NAA11: variants seen among roughly 807,000 people sequenced by gnomAD.
The protein encoded by NAA11 is N-alpha-acetyltransferase 11.
A neutral mutation model predicts 16.1 loss-of-function variants in NAA11; 15 were observed. The ratio of observed to expected loss-of-function variants is 0.93; its 90% CI spans 0.62 to 1.44. NAA11 has a LOEUF of 1.44. Ranked by LOEUF, NAA11 falls within the 40% of genes most tolerant of loss-of-function variation. NAA11 has a pLI of 0.00. For missense variants in NAA11, 298 were observed against 291.3 expected (o/e 1.02, Z -0.17); for synonymous variants, 122 against 112.4 (o/e 1.09, Z -0.54).
At chr4:79,204,407 T>A in the NAA11 span, among the ~76,000 whole-genome samples, 1 of 151,990 alleles carries the variant, frequency 6.6e-6, no homozygotes, top group East Asian at 1.9e-4. Context: ...ACACAGTATA[T>A]GAAGTATTAT....
At chr4:79,206,795 T>A in the NAA11 span, among the ~76,000 whole-genome samples, 1 of 152,164 alleles carries the variant, frequency 6.6e-6, no homozygotes, top group African/African-American at 2.4e-5. Flanking sequence ...TTTCTTTTTT[T>A]AGTGTACTCT....
intron 2 of NAA11, among the ~76,000 whole-genome samples, chr4:79,264,390 T>G (rs1028489809): frequency 6.6e-6 from 1 of 152,186 alleles, no homozygotes; most frequent in Non-Finnish European, 1.5e-5. Flanking sequence ...GCTGTAAATC[T>G]CCCATCTTAA....
At chr4:79,285,342 G>A (rs1468959399) in intron 2 of NAA11, among the ~76,000 whole-genome samples, 10 of 151,890 alleles carry the variant, frequency 6.6e-5, no homozygotes, top group Non-Finnish European at 4.4e-5. Flanking sequence ...GATATAAATG[G>A]CTTTGCCTAT....
chr4:79,314,543 A>G (rs900205510), downstream of NAA11, among the ~76,000 whole-genome samples: 10 of 151,300 alleles, frequency 6.6e-5, no homozygotes, highest in Admixed American at 2.0e-4. Flanking sequence ...CATATGAACT[A>G]TACTTTGAGA....
intron 2 of NAA11, among the ~76,000 whole-genome samples, chr4:79,278,302 T>C (rs1012705505): frequency 2.0e-5 from 3 of 152,140 alleles, no homozygotes; most frequent in Non-Finnish European, 4.4e-5. Context: ...GAACGTCTCA[T>C]TATGCTGTTT....
the NAA11 span, among the ~76,000 whole-genome samples, chr4:79,202,477 T>A: frequency 6.7e-6 from 1 of 148,668 alleles, no homozygotes; most frequent in Non-Finnish European, 1.5e-5. Context: ...AAAGTGGAGT[T>A]CATCTTCTGA....
chr4:79,156,999 T>G, the NAA11 span, among the ~76,000 whole-genome samples: 1 of 152,228 alleles, frequency 6.6e-6, no homozygotes. Flanking sequence ...TAGTGCACAT[T>G]ATCCCTGACT....
chr4:79,197,355 G>A, the NAA11 span, among the ~76,000 whole-genome samples: 1 of 151,902 alleles, frequency 6.6e-6, no homozygotes, highest in Non-Finnish European at 1.5e-5. Flanking sequence ...TGCTGTAGTA[G>A]ACATTATGGT....
chr4:79,227,634 T>C (rs1342875450), intron 2 of NAA11: 2 of 152,034 alleles, frequency 1.3e-5, no homozygotes, highest in African/African-American at 4.8e-5. Context: ...CGTCCAACTC[T>C]TCAGTGTCCC....
the NAA11 span, among the ~76,000 whole-genome samples, chr4:79,172,359 C>T: frequency 6.6e-6 from 1 of 152,022 alleles, no homozygotes; most frequent in Admixed American, 6.6e-5. Flanking sequence ...TAATAAGACC[C>T]CCAATTGTAT....
chr4:79,250,862 T>C (rs939612159), intron 2 of NAA11, among the ~76,000 whole-genome samples: 7 of 152,116 alleles, frequency 4.6e-5, no homozygotes, highest in Admixed American at 4.6e-4. Context: ...TACAAGCATA[T>C]GAAGAAATAT....
intron 2 of NAA11, among the ~76,000 whole-genome samples, chr4:79,289,389 T>C (rs1456794709): frequency 6.6e-6 from 1 of 152,254 alleles, no homozygotes; most frequent in African/African-American, 2.4e-5. Context: ...AAGGCCAAAG[T>C]TAGCAAATTC....
intron 2 of NAA11, among the ~76,000 whole-genome samples, chr4:79,241,711 T>C (rs1039958064): frequency 3.3e-5 from 5 of 152,244 alleles, no homozygotes; most frequent in Non-Finnish European, 7.3e-5. Flanking sequence ...GCTGGGACTA[T>C]GTCTCTCCTC....
At chr4:79,274,255 C>T (rs900671908) in intron 2 of NAA11, among the ~76,000 whole-genome samples, 2 of 152,002 alleles carry the variant, frequency 1.3e-5, no homozygotes, top group Non-Finnish European at 2.9e-5. Context: ...ACTACATCAT[C>T]GGGATGGTGT....
At chr4:79,201,964 G>A in the NAA11 span, among the ~76,000 whole-genome samples, 1 of 151,490 alleles carries the variant, frequency 6.6e-6, no homozygotes, top group Non-Finnish European at 1.5e-5. Context: ...ACAGTGTGAA[G>A]TTTCAATGCA....
the NAA11 span, among the ~76,000 whole-genome samples, chr4:79,188,311 C>T: frequency 1.5e-4 from 23 of 152,100 alleles, no homozygotes; most frequent in Admixed American, 4.6e-4. Flanking sequence ...TCTGGCCGGG[C>T]GCGGTGGCTC....
the NAA11 span, chr4:79,211,778 A>G: frequency 2.0e-5 from 3 of 152,254 alleles, no homozygotes; most frequent in Admixed American, 2.0e-4. Flanking sequence ...TGAATGGCTC[A>G]CTTTGCAGGA....
intron 1 of NAA11, among the ~76,000 whole-genome samples, chr4:79,301,842 C>T (rs1329790819): frequency 1.3e-5 from 2 of 152,132 alleles, no homozygotes; most frequent in Non-Finnish European, 2.9e-5. Context: ...CTAATTTTAT[C>T]TTACAATTTA....
downstream of NAA11, among the ~76,000 whole-genome samples, chr4:79,221,469 G>T (rs1471796836): frequency 8.7e-6 from 1 of 114,958 alleles, no homozygotes; most frequent in South Asian, 3.4e-4. Context: ...CAAAGGGAAT[G>T]CTTCCAGTTT....
Sources: allele counts gnomAD v4.1 joint callset (sites outside exome capture counted in the v4.1 genomes callset), GRCh38; gene constraint gnomAD v4.1.1; transcripts MANE v1.5; gene names NCBI Gene and HGNC (gene_info 2026-07-23, HGNC 2026-07-21).